The following PDZRN4 variants were observed in gnomAD, a reference collection of about 807,000 sequenced individuals.
The protein encoded by PDZRN4 is PDZ domain containing ring finger 4, also known as PDZ domain-containing RING finger protein 4.
Under a neutral mutation model 99.0 loss-of-function variants are expected in PDZRN4, and 70 were observed. The ratio of observed to expected loss-of-function variants is 0.71; its 90% confidence interval spans 0.58 to 0.86. The LOEUF is 0.86. Among genes scored for constraint, PDZRN4 ranks in the 40% least tolerant of loss-of-function variants. The pLI is 0.00. For synonymous variants in PDZRN4, 551 were observed against 501.6 expected, an observed-to-expected ratio of 1.10 and a Z score of -1.32; for missense variants, 1,474 against 1,331.2, an observed-to-expected ratio of 1.11 and a Z score of -1.67.
At chr12:41,322,246 G>C (rs1429727917) in intron 3 of PDZRN4, among the ~76,000 whole-genome samples, 1 of 151,946 alleles carries the variant, frequency 6.6e-6, no homozygotes, top group East Asian at 2.0e-4. Context: ...GGCTAGGCTG[G>C]TCTCAAACTC....
At chr12:41,332,543 T>G (rs957410511) in intron 3 of PDZRN4, among the ~76,000 whole-genome samples, 3 of 151,808 alleles carry the variant, frequency 2.0e-5, no homozygotes, top group African/African-American at 4.8e-5. Flanking sequence ...ATGGGAAAGA[T>G]CCTCTGATAC....
intron 3 of PDZRN4, among the ~76,000 whole-genome samples, chr12:41,421,993 G>C (rs989402952): frequency 2.0e-5 from 3 of 152,092 alleles, no homozygotes; most frequent in Non-Finnish European, 4.4e-5. Flanking sequence ...TTTAAGATGA[G>C]CAGAGTACCC....
Position 41,386,460 on chromosome 12 carries a change from A to C in PDZRN4, c.844-119996A>C, listed in dbSNP as rs190227899. ...CAATGAGAACTACAAACCACTGCTC[A>C]AAGAAATCAGAGATGACACAAACAA... is the stretch of plus-strand genomic sequence containing the variant. On this transcript the variant is annotated intron_variant, in intron 3 of 9. Coordinates refer to ENST00000402685, the MANE Select transcript of PDZRN4 (RefSeq NM_001164595.2). Among the ~76,000 whole-genome samples, 269 of 152,358 alleles carry C rather than the reference A, an allele frequency of 1.8e-3. 2 individuals carry two copies. The highest frequency in any genetic ancestry group is 6.1e-3 in the African/African-American group (255 of 41,594).
chr12:41,368,676 G>T (rs530460317), intron 3 of PDZRN4, among the ~76,000 whole-genome samples: 1 of 152,052 alleles, frequency 6.6e-6, no homozygotes, highest in East Asian at 1.9e-4. Context: ...CTTGCCTGCA[G>T]ATTTCAGTTG....
chr12:41,256,191 T>G (rs1209288154), intron 3 of PDZRN4, among the ~76,000 whole-genome samples: 1 of 152,214 alleles, frequency 6.6e-6, no homozygotes, highest in Non-Finnish European at 1.5e-5. Context: ...TTTATTGGTA[T>G]TCTAAGTAAA....
intron 3 of PDZRN4, among the ~76,000 whole-genome samples, chr12:41,424,995 T>C (rs1375142695): frequency 6.6e-6 from 1 of 152,110 alleles, no homozygotes; most frequent in Non-Finnish European, 1.5e-5. Flanking sequence ...AATAGGTCAG[T>C]TGATATACCA....
chr12:41,488,035 G>T (rs1423867218), intron 3 of PDZRN4, among the ~76,000 whole-genome samples: 1 of 152,146 alleles, frequency 6.6e-6, no homozygotes, highest in Non-Finnish European at 1.5e-5. Flanking sequence ...CAAAATAACA[G>T]TATGCAGTCA....
chr12:41,291,872 C>CAA (rs10640583), intron 3 of PDZRN4, among the ~76,000 whole-genome samples: 78,030 of 151,822 alleles, frequency 0.51, 22,137 homozygotes, highest in East Asian at 0.71. Context: ...CCCATTACCT[C>CAA]AAACCTGGTA....
intron 3 of PDZRN4, among the ~76,000 whole-genome samples, chr12:41,462,265 C>T (rs532835590): frequency 1.4e-4 from 22 of 152,144 alleles, no homozygotes; most frequent in South Asian, 4.2e-4. Context: ...GTTTGTGGAA[C>T]GAAATTGTTA....
intron 5 of PDZRN4, among the ~76,000 whole-genome samples, chr12:41,533,081 A>C (rs775282225): frequency 6.6e-5 from 10 of 152,000 alleles, no homozygotes; most frequent in Non-Finnish European, 1.0e-4. Flanking sequence ...TCTACTTCTA[A>C]TTCTGTCATT....
chr12:41,208,201 T>C (rs930389642), intron 3 of PDZRN4, among the ~76,000 whole-genome samples: 3 of 151,922 alleles, frequency 2.0e-5, no homozygotes, highest in African/African-American at 7.2e-5. Flanking sequence ...ATTGGAAATA[T>C]CTGACGTGAC....
intron 8 of PDZRN4, 121 bp from the exon 9 acceptor site, chr12:41,567,662 G>C (rs1000036925): frequency 2.2e-6 from 1 of 447,524 alleles, no homozygotes; most frequent in Non-Finnish European, 3.9e-6. Flanking sequence ...TGGGAGGCTG[G>C]TATTCTGAAG....
At position 41,445,951 on chromosome 12, in the gene PDZRN4, C is replaced by T. The variant is rs183028637; in HGVS notation, c.844-60505C>T. 1.8e-4 allele frequency among the ~76,000 whole-genome samples: 28 copies of T among 152,168 alleles called. No homozygotes were observed. In the East Asian group the frequency reaches 5.4e-3, roughly 29 times the overall value. On this transcript the variant is annotated intron_variant, in intron 3 of 9. Transcript: ENST00000402685. ...CCAAAGTCATCAATATAACCTGTCC[C>T]ATCTCCATCTCCCTTCCAGCTGTAT...
chr12:41,476,173 A>G (rs1273068176), intron 3 of PDZRN4, among the ~76,000 whole-genome samples: 1 of 152,148 alleles, frequency 6.6e-6, no homozygotes, highest in East Asian at 1.9e-4. Flanking sequence ...TTTGTATATA[A>G]AGAAAGAAAC....
intron 3 of PDZRN4, among the ~76,000 whole-genome samples, chr12:41,334,728 AGAG>A (rs1486954264): frequency 6.6e-6 from 1 of 152,194 alleles, no homozygotes; most frequent in Non-Finnish European, 1.5e-5. Context: ...TGGTTAAAAT[AGAG>A]GAGAAGAGAT....
At chr12:41,550,770 A>T (rs1378650629) in intron 5 of PDZRN4, among the ~76,000 whole-genome samples, 2 of 152,118 alleles carry the variant, frequency 1.3e-5, no homozygotes, top group African/African-American at 2.4e-5. Flanking sequence ...ATTTGCTATT[A>T]TCTGTGAAAT....
chr12:41,323,330 T>A (rs1019108866), intron 3 of PDZRN4, among the ~76,000 whole-genome samples: 21 of 152,102 alleles, frequency 1.4e-4, no homozygotes, highest in Non-Finnish European at 2.9e-4. Context: ...TATAAATAAT[T>A]TACCTTCTTA....
chr12:41,346,325 G>C, intron 3 of PDZRN4, among the ~76,000 whole-genome samples: 1 of 152,118 alleles, frequency 6.6e-6, no homozygotes, highest in Non-Finnish European at 1.5e-5. Flanking sequence ...AGCTGGGTGC[G>C]GTGGCGGGCG....
chr12:41,259,463 A>G (rs1043024840), intron 3 of PDZRN4, among the ~76,000 whole-genome samples: 12 of 152,170 alleles, frequency 7.9e-5, no homozygotes, highest in African/African-American at 2.9e-4. Flanking sequence ...GCATTTTAAC[A>G]AAACTAGCAT....
Sources: allele counts gnomAD v4.1 joint callset (sites outside exome capture counted in the v4.1 genomes callset), GRCh38; gene constraint gnomAD v4.1.1; transcripts MANE v1.5; gene names NCBI Gene and HGNC (gene_info 2026-07-23, HGNC 2026-07-21).